Variants in TSHZ2 observed in about 807,000 individuals in gnomAD.
TSHZ2 encodes teashirt zinc finger homeobox 2, also known as teashirt homolog 2.
Under a neutral mutation model 74.4 loss-of-function variants are expected in TSHZ2, and 21 were observed. The observed-to-expected ratio is 0.28, with a 90% CI of 0.20 to 0.41. The LOEUF (loss-of-function observed/expected upper bound fraction) is 0.41. TSHZ2 is among the 10% of genes least tolerant of loss of function. TSHZ2 has a pLI of 1.00. For synonymous variants in TSHZ2, 540 were observed against 515.3 expected (o/e 1.05, Z -0.65); for missense variants, 1,244 against 1,293.5 (o/e 0.96, Z 0.59).
intron 1 of TSHZ2, among the ~76,000 whole-genome samples, chr20:53,055,971 A>C (rs534798444): frequency 7.3e-4 from 111 of 152,220 alleles, no homozygotes; most frequent in Non-Finnish European, 1.4e-3. Context: ...TTGATGGAAA[A>C]TGTTTGCCAA....
chr20:53,006,394 T>C (rs955863252), intron 1 of TSHZ2, among the ~76,000 whole-genome samples: 2 of 152,256 alleles, frequency 1.3e-5, no homozygotes, highest in African/African-American at 2.4e-5. Flanking sequence ...CCATGTGCTT[T>C]TGAAGAATTT....
chr20:53,145,594 A>G (rs1987520550), intron 1 of TSHZ2, among the ~76,000 whole-genome samples: 1 of 152,220 alleles, frequency 6.6e-6, no homozygotes. Flanking sequence ...GAATTCTAGA[A>G]GAGAGTGTAG....
chr20:52,999,211 G>A (rs773736191), intron 1 of TSHZ2, among the ~76,000 whole-genome samples: 4 of 152,114 alleles, frequency 2.6e-5, no homozygotes, highest in Non-Finnish European at 4.4e-5. Flanking sequence ...CAGAGTTCCC[G>A]ATTCACCTCC....
intron 2 of TSHZ2, among the ~76,000 whole-genome samples, chr20:53,391,166 A>G (rs1000300525): frequency 1.6e-5 from 2 of 123,322 alleles, no homozygotes; most frequent in Non-Finnish European, 3.5e-5. Context: ...GTTTGGTTTG[A>G]GACAGAGTCT....
At chr20:53,199,638 T>C (rs1013070143) in intron 1 of TSHZ2, among the ~76,000 whole-genome samples, 1 of 152,266 alleles carries the variant, frequency 6.6e-6, no homozygotes, top group South Asian at 2.1e-4. Context: ...ATCTAGGGGC[T>C]CATGTGACTA....
intron 1 of TSHZ2, among the ~76,000 whole-genome samples, chr20:53,189,238 C>G (rs965648865): frequency 6.6e-6 from 1 of 152,104 alleles, no homozygotes; most frequent in Admixed American, 6.6e-5. Flanking sequence ...TTGGAAGGCC[C>G]GTTCTATTAA....
intron 2 of TSHZ2, among the ~76,000 whole-genome samples, chr20:53,345,519 G>A (rs1424323177): frequency 6.6e-6 from 1 of 152,072 alleles, no homozygotes; most frequent in Non-Finnish European, 1.5e-5. Flanking sequence ...ACTATCATAA[G>A]CATCTAGCAA....
At chr20:53,175,011 G>A (rs1044981991) in intron 1 of TSHZ2, among the ~76,000 whole-genome samples, 4 of 151,708 alleles carry the variant, frequency 2.6e-5, no homozygotes, top group African/African-American at 4.8e-5. Flanking sequence ...TCTTTCTCTC[G>A]ATGAGTTTCT....
At chr20:53,334,434 G>T (rs1486888688) in intron 2 of TSHZ2, among the ~76,000 whole-genome samples, 1 of 152,092 alleles carries the variant, frequency 6.6e-6, no homozygotes, top group Non-Finnish European at 1.5e-5. Context: ...TGAGGTGGGA[G>T]CATGCCTGGT....
At chr20:53,468,991 A>G (rs1318262097) in intron 2 of TSHZ2, among the ~76,000 whole-genome samples, 1 of 141,730 alleles carries the variant, frequency 7.1e-6, no homozygotes, top group African/African-American at 2.5e-5. Flanking sequence ...ATCCAACTCA[A>G]CATCAGGAAC....
intron 1 of TSHZ2, among the ~76,000 whole-genome samples, chr20:53,174,362 C>T (rs900248985): frequency 2.0e-5 from 3 of 152,118 alleles, no homozygotes; most frequent in Non-Finnish European, 2.9e-5. Flanking sequence ...TTTCACAAAC[C>T]CCACTAGCAG....
At chr20:53,319,398 G>T (rs1961752236) in intron 2 of TSHZ2, among the ~76,000 whole-genome samples, 2 of 152,238 alleles carry the variant, frequency 1.3e-5, no homozygotes, top group South Asian at 4.1e-4. Flanking sequence ...CCATTTTACA[G>T]ATGAGGAAAC....
At chr20:53,001,234 G>GTGTATA (rs1555813635) in intron 1 of TSHZ2, among the ~76,000 whole-genome samples, 2 of 137,630 alleles carry the variant, frequency 1.5e-5, no homozygotes, top group African/African-American at 5.4e-5. Flanking sequence ...GTGTGTGTGT[G>GTGTATA]TGTGTGTGTG....
At chr20:53,109,281 GCT>G (rs1986464164) in intron 1 of TSHZ2, among the ~76,000 whole-genome samples, 1 of 152,206 alleles carries the variant, frequency 6.6e-6, no homozygotes, top group Admixed American at 6.5e-5. Flanking sequence ...CACAGGAAGT[GCT>G]CATCTACTCT....
intron 2 of TSHZ2, among the ~76,000 whole-genome samples, chr20:53,311,307 A>G (rs1002795822): frequency 6.6e-6 from 1 of 152,268 alleles, no homozygotes. Context: ...AAAATTATTC[A>G]GCCAGACTGA....
At chr20:53,181,777 G>T (rs982699568) in intron 1 of TSHZ2, among the ~76,000 whole-genome samples, 2 of 152,060 alleles carry the variant, frequency 1.3e-5, no homozygotes, top group African/African-American at 4.8e-5. Context: ...AGTCCCAGCT[G>T]CTGGGGAGGC....
At chr20:53,102,226 CA>C (rs11479231) in intron 1 of TSHZ2, among the ~76,000 whole-genome samples, 17,828 of 152,048 alleles carry the variant, frequency 0.12, 1,090 homozygotes, top group African/African-American at 0.13. Flanking sequence ...AGATTTCCCC[CA>C]ACCTGAGGCC....
At chr20:53,380,093 A>T (rs1024417926) in intron 2 of TSHZ2, among the ~76,000 whole-genome samples, 10 of 152,166 alleles carry the variant, frequency 6.6e-5, no homozygotes, top group African/African-American at 2.4e-4. Flanking sequence ...CAATGTCACC[A>T]ACTTCAAGAG....
At chr20:53,024,452 G>T (rs1489197047) in intron 1 of TSHZ2, among the ~76,000 whole-genome samples, 1 of 151,582 alleles carries the variant, frequency 6.6e-6, no homozygotes, top group Non-Finnish European at 1.5e-5. Context: ...GGTAGGAGAA[G>T]AACATTAAAC....
Sources: allele counts gnomAD v4.1 joint callset (sites outside exome capture counted in the v4.1 genomes callset), GRCh38; gene constraint gnomAD v4.1.1; transcripts MANE v1.5; gene names NCBI Gene and HGNC (gene_info 2026-07-23, HGNC 2026-07-21).